Variants in MYO16 observed in about 807,000 individuals in gnomAD.
The protein encoded by MYO16 is unconventional myosin-XVI.
In MYO16, 94 loss-of-function variants were observed where a neutral mutation model predicts 205.3. That is an observed-to-expected ratio of 0.46 (90% CI 0.39 to 0.54). The LOEUF is 0.54. Among genes scored for constraint, MYO16 ranks in the 20% least tolerant of loss-of-function variants. The pLI is 0.00. For missense variants in MYO16, 2,315 were observed against 2,387.5 expected, an observed-to-expected ratio of 0.97 and a Z score of 0.63; for synonymous variants, 988 against 954.0, an observed-to-expected ratio of 1.04 and a Z score of -0.66.
At chr13:109,200,381 A>G (rs1259568395) in intron 34 of MYO16, among the ~76,000 whole-genome samples, 1 of 152,220 alleles carries the variant, frequency 6.6e-6, no homozygotes, top group Non-Finnish European at 1.5e-5. Context: ...GAAATCCCTC[A>G]ATAAAGGGGT....
intron 14 of MYO16, among the ~76,000 whole-genome samples, chr13:108,888,703 C>A (rs1444110162): frequency 6.6e-6 from 1 of 152,042 alleles, no homozygotes; most frequent in Non-Finnish European, 1.5e-5. Flanking sequence ...TTTGTATTTG[C>A]TCCGAATAGT....
intron 1 of MYO16, among the ~76,000 whole-genome samples, chr13:108,609,951 C>A (rs1405351021): frequency 1.3e-5 from 2 of 151,982 alleles, no homozygotes; most frequent in Non-Finnish European, 2.9e-5. Context: ...GGGAGGAAAA[C>A]ACTGGGCCCA....
In MYO16 at chr13:108,883,133, G is replaced by C; in HGVS notation, c.1500G>C (p.Glu500Asp). 2 of 1,614,018 alleles carry C rather than the reference G, an allele frequency of 1.2e-6. No individual in the cohort carries two copies. The highest frequency in any genetic ancestry group is 1.7e-6 in the Non-Finnish European group (2 of 1,179,962). ...CTCCTCACCTCTTCTCCTGTGTGGA[G>C]AGAGCCTTTCACCAGCTCTTCCGGG... ...SLPPHLFSCV[E>D]RAFHQLFREQ... is the part of the protein sequence containing the mutation. The change falls in exon 13 of 35, where the codon GAG becomes GAC. Residue 500 changes from glutamate to aspartate, a missense_variant. By Grantham distance (45) the Glu-to-Asp change is conservative. Transcript: ENST00000457511.
At position 109,206,822 on chromosome 13, in the gene MYO16, G is replaced by A. The variant is rs756797319; in HGVS notation, c.5629G>A (p.Asp1877Asn). ...SCNRLPSELW[D>N]TTI ...CAACAGGCTGCCGTCTGAGCTCTGG[G>A]ACACCACCATTTGATGTGGCCTGAA... is the stretch of plus-strand genomic sequence containing the variant. Residue 1877 changes from aspartate (D) to asparagine (N), a missense_variant, in exon 35 of 35, where the codon GAC (aspartate) becomes AAC (asparagine). This residue lies in a region of MYO16 where 1,097 missense variants were observed against 1,092.0 expected (regional missense o/e 1.00). Transcript: ENST00000457511. 1.9e-6 allele frequency: 3 copies of A among 1,613,886 alleles called. No individual in the cohort carries two copies. Among genetic ancestry groups the A allele is most frequent in the Non-Finnish European group, 2.5e-6 (3 of 1,179,966 alleles).
chr13:108,598,372 A>G (rs972331258), intron 1 of MYO16, among the ~76,000 whole-genome samples: 2 of 152,190 alleles, frequency 1.3e-5, no homozygotes, highest in Non-Finnish European at 2.9e-5. Flanking sequence ...CTAATACAGA[A>G]ATAATAAAAT....
the MYO16 span, among the ~76,000 whole-genome samples, chr13:108,581,993 T>TA: frequency 1.3e-5 from 2 of 152,320 alleles, no homozygotes; most frequent in South Asian, 4.1e-4. Context: ...GTGTGTTTAT[T>TA]GAGCTAATGT....
At chr13:108,890,161 C>G (rs957657847) in intron 14 of MYO16, among the ~76,000 whole-genome samples, 1 of 124,354 alleles carries the variant, frequency 8.0e-6, no homozygotes. Context: ...CCAAGCTGGT[C>G]TCGAACTCCT....
At chr13:108,813,074 G>C (rs1887344202) in intron 7 of MYO16, among the ~76,000 whole-genome samples, 1 of 152,110 alleles carries the variant, frequency 6.6e-6, no homozygotes, top group Non-Finnish European at 1.5e-5. Context: ...ACTGAGGAGG[G>C]GTTGGACACG....
chr13:108,643,450 G>A (rs1049085417), intron 1 of MYO16, among the ~76,000 whole-genome samples: 3 of 152,186 alleles, frequency 2.0e-5, no homozygotes, highest in African/African-American at 7.2e-5. Context: ...TACAAGTAAA[G>A]TTACTATGAA....
At chr13:108,748,751 C>T (rs1721875028) in intron 4 of MYO16, among the ~76,000 whole-genome samples, 1 of 152,048 alleles carries the variant, frequency 6.6e-6, no homozygotes, top group South Asian at 2.1e-4. Context: ...AATAAACAGT[C>T]CTGAAACAAT....
chr13:108,618,577 G>A (rs1242378282), intron 1 of MYO16, among the ~76,000 whole-genome samples: 2 of 152,130 alleles, frequency 1.3e-5, no homozygotes, highest in Admixed American at 6.6e-5. Context: ...CTAAGCTTAC[G>A]TTTGCATTTT....
At chr13:108,670,454 G>C (rs972059443) in intron 2 of MYO16, among the ~76,000 whole-genome samples, 3 of 152,054 alleles carry the variant, frequency 2.0e-5, no homozygotes, top group African/African-American at 7.2e-5. Flanking sequence ...ATGAACCTGT[G>C]GTTATTCTCC....
the MYO16 span, among the ~76,000 whole-genome samples, chr13:108,571,373 C>G: frequency 1.3e-5 from 2 of 151,266 alleles, no homozygotes; most frequent in Non-Finnish European, 2.9e-5. Context: ...ACAAGTGGTG[C>G]TGAATTTGGC....
chr13:108,697,264 C>T (rs1338946041), intron 2 of MYO16, among the ~76,000 whole-genome samples: 1 of 152,118 alleles, frequency 6.6e-6, no homozygotes, highest in Non-Finnish European at 1.5e-5. Context: ...GGCTCTCCTC[C>T]CTTCATTCTC....
At chr13:108,825,311 T>G (rs1873283968) in intron 9 of MYO16, among the ~76,000 whole-genome samples, 1 of 151,932 alleles carries the variant, frequency 6.6e-6, no homozygotes, top group Admixed American at 6.6e-5. Context: ...TCTCAATATA[T>G]GCAGAAAAAG....
intron 34 of MYO16, among the ~76,000 whole-genome samples, chr13:109,179,869 T>G (rs1433743905): frequency 1.3e-5 from 2 of 152,162 alleles, no homozygotes; most frequent in Non-Finnish European, 2.9e-5. Flanking sequence ...CATAATAGTT[T>G]TAAATGAAAT....
At chr13:108,935,918 G>A (rs925171542) in intron 16 of MYO16, among the ~76,000 whole-genome samples, 2 of 151,178 alleles carry the variant, frequency 1.3e-5, no homozygotes, top group Non-Finnish European at 2.9e-5. Flanking sequence ...TTCTGTTTAT[G>A]TGGTGAGCCA....
Position 108,652,571 on chromosome 13 carries a change from T to C in MYO16, c.29-13315T>C, listed in dbSNP as rs192908852. ...ATTCAACGTCAACTCTCATCTTGCC[T>C]CAGTCCCTGGCAACCATCATTCTAC... On this transcript the variant is annotated intron_variant, in intron 1 of 34. Transcript: ENST00000457511. Among the ~76,000 whole-genome samples, 70 of 152,318 alleles carry C rather than the reference T, an allele frequency of 4.6e-4. No individual in the cohort carries two copies. The East Asian group carries it at 6.9e-3, about 15-fold the overall frequency.
At chr13:108,712,627 T>G in intron 2 of MYO16, 34 bp from the exon 3 acceptor site, 1 of 1,595,308 alleles carries the variant, frequency 6.3e-7, no homozygotes, top group Non-Finnish European at 8.6e-7. Flanking sequence ...AGAAGGACTC[T>G]CTGTAACTCC....
Sources: allele counts gnomAD v4.1 joint callset (sites outside exome capture counted in the v4.1 genomes callset), GRCh38; gene constraint gnomAD v4.1.1; regional missense constraint gnomAD v4.1.1; transcripts MANE v1.5; gene names NCBI Gene and HGNC (gene_info 2026-07-23, HGNC 2026-07-21).